CTNNA2: variants seen among roughly 807,000 people sequenced by gnomAD.
CTNNA2 encodes catenin alpha 2, also known as catenin alpha-2.
A neutral mutation model predicts 101.0 loss-of-function variants in CTNNA2; 42 were observed. The ratio of observed to expected loss-of-function variants is 0.42; its 90% CI spans 0.32 to 0.54. CTNNA2 has a LOEUF of 0.54. Among genes scored for constraint, CTNNA2 ranks in the 20% least tolerant of loss-of-function variants. CTNNA2 has a pLI of 0.14. For synonymous variants in CTNNA2, 450 were observed against 456.4 expected, an observed-to-expected ratio of 0.99 and a Z score of 0.18; for missense variants, 871 against 1,223.1, an observed-to-expected ratio of 0.71 and a Z score of 4.29.
At chr2:80,269,321 C>T (rs1573556813) in intron 7 of CTNNA2, among the ~76,000 whole-genome samples, 1 of 152,260 alleles carries the variant, frequency 6.6e-6, no homozygotes, top group East Asian at 1.9e-4. Context: ...CTTTGCTCAG[C>T]AATCATTCTT....
At chr2:79,712,600 A>G (rs1028944468) in intron 2 of CTNNA2, among the ~76,000 whole-genome samples, 3 of 152,154 alleles carry the variant, frequency 2.0e-5, no homozygotes, top group Admixed American at 1.3e-4. Flanking sequence ...GTGTAAATTC[A>G]TTATGCAATT....
At chr2:80,362,262 A>G (rs1674485605) in intron 7 of CTNNA2, among the ~76,000 whole-genome samples, 1 of 152,112 alleles carries the variant, frequency 6.6e-6, no homozygotes, top group Admixed American at 6.6e-5. Context: ...AAGGCTGGCA[A>G]GAGGCTTATT....
chr2:80,453,009 C>T (rs1189017956), intron 9 of CTNNA2, among the ~76,000 whole-genome samples: 2 of 151,956 alleles, frequency 1.3e-5, no homozygotes, highest in Non-Finnish European at 2.9e-5. Flanking sequence ...TGGGGTTGAA[C>T]CTGACAGCCT....
At chr2:80,548,385 A>C (rs958555492) in intron 11 of CTNNA2, among the ~76,000 whole-genome samples, 1 of 152,142 alleles carries the variant, frequency 6.6e-6, no homozygotes, top group African/African-American at 2.4e-5. Context: ...TGCATGCATA[A>C]ACATTTCTGA....
At chr2:80,079,511 A>AT (rs1698978157) in intron 7 of CTNNA2, among the ~76,000 whole-genome samples, 1 of 152,132 alleles carries the variant, frequency 6.6e-6, no homozygotes, top group African/African-American at 2.4e-5. Flanking sequence ...CAGGACACAG[A>AT]TTAGTCTTAT....
chr2:80,293,810 G>A (rs1675481033), intron 7 of CTNNA2, among the ~76,000 whole-genome samples: 1 of 152,154 alleles, frequency 6.6e-6, no homozygotes, highest in Non-Finnish European at 1.5e-5. Context: ...ATATTTTGGT[G>A]TTAGGGGTAT....
intron 7 of CTNNA2, among the ~76,000 whole-genome samples, chr2:80,375,814 C>A (rs976422902): frequency 1.3e-5 from 2 of 151,836 alleles, no homozygotes; most frequent in East Asian, 3.9e-4. Context: ...TCACCCGCCT[C>A]GGCCTCCCAA....
rs1047165099 is a variant in CTNNA2, at chr2:80,420,391, T to C, written c.1290+790T>C. 7.2e-5 allele frequency among the ~76,000 whole-genome samples: 11 copies of C among 152,084 alleles called. No homozygotes were observed. The East Asian group carries it at 7.7e-4, about 11-fold the overall frequency. ...GCCCAGGAGGGATGAGGATGGATCC[T>C]GGAAAATTTAGGGAATGGTTATTAG... On this transcript the variant is annotated intron_variant, in intron 9 of 18. Coordinates refer to ENST00000402739, the MANE Select transcript of CTNNA2 (RefSeq NM_001282597.3).
At chr2:80,093,914 C>T (rs894338278) in intron 7 of CTNNA2, among the ~76,000 whole-genome samples, 5 of 151,852 alleles carry the variant, frequency 3.3e-5, no homozygotes, top group African/African-American at 4.8e-5. Context: ...AGCCCTTTGT[C>T]AGATGAGTAG....
intron 3 of CTNNA2, among the ~76,000 whole-genome samples, chr2:79,857,460 T>G (rs1342454029): frequency 6.6e-6 from 1 of 152,244 alleles, no homozygotes; most frequent in East Asian, 1.9e-4. Context: ...ATTGGTTTAG[T>G]TCTCTTCTAA....
chr2:80,362,381 G>A (rs968329670), intron 7 of CTNNA2, among the ~76,000 whole-genome samples: 1 of 152,050 alleles, frequency 6.6e-6, no homozygotes, highest in Non-Finnish European at 1.5e-5. Flanking sequence ...ATTTTCAACA[G>A]AGAGAATTAT....
intron 7 of CTNNA2, among the ~76,000 whole-genome samples, chr2:80,004,918 G>C (rs1693225602): frequency 6.6e-6 from 1 of 152,102 alleles, no homozygotes; most frequent in Admixed American, 6.6e-5. Context: ...GGCCAGGCTG[G>C]TCTTGAGCTC....
At chr2:80,565,191 T>C (rs1461367337) in intron 12 of CTNNA2, among the ~76,000 whole-genome samples, 1 of 152,158 alleles carries the variant, frequency 6.6e-6, no homozygotes, top group Admixed American at 6.5e-5. Context: ...TGGAAGTTAC[T>C]ACTTTGTTGG....
chr2:80,433,002 G>A (rs1319692831), intron 9 of CTNNA2, among the ~76,000 whole-genome samples: 2 of 151,970 alleles, frequency 1.3e-5, no homozygotes, highest in Non-Finnish European at 2.9e-5. Flanking sequence ...ACGGCAGTGG[G>A]GCAGTAGAGT....
At chr2:80,402,784 G>A (rs1194978672) in intron 8 of CTNNA2, among the ~76,000 whole-genome samples, 1 of 147,518 alleles carries the variant, frequency 6.8e-6, no homozygotes, top group Non-Finnish European at 1.5e-5. Context: ...TATAAATTAT[G>A]TTTAATATAA....
chr2:80,209,378 GT>G (rs1707746757), intron 7 of CTNNA2, among the ~76,000 whole-genome samples: 1 of 151,606 alleles, frequency 6.6e-6, no homozygotes, highest in African/African-American at 2.4e-5. Flanking sequence ...ATTTTTGCAT[GT>G]GGGGTTTCAC....
At chr2:79,399,827 T>G (rs2104479666) in intron 4 of CTNNA2, among the ~76,000 whole-genome samples, 1 of 152,044 alleles carries the variant, frequency 6.6e-6, no homozygotes, top group African/African-American at 2.4e-5. Context: ...AGAAATATAT[T>G]CAAATAACTA....
At position 80,392,574 on chromosome 2, in the gene CTNNA2, CT is replaced by C. The variant is rs200126247; in HGVS notation, c.1057-627del. Among the ~76,000 whole-genome samples, 846 of 149,780 alleles carry C rather than the reference CT, an allele frequency of 5.6e-3. 7 individuals carry two copies. Among genetic ancestry groups the C allele is most frequent in the African/African-American group, 0.019 (774 of 40,896 alleles). On this transcript the variant is annotated intron_variant, in intron 7 of 18. Transcript: ENST00000402739. Reference sequence around the variant, plus strand: ...CAAGTGAACAATTTATTAAAGAACACTTTTTTTTTTCTCTACCTCTGCCTGT... The same window carrying C: ...CAAGTGAACAATTTATTAAAGAACACTTTTTTTTTCTCTACCTCTGCCTGT...
In CTNNA2 at chr2:80,546,737, A is replaced by C. The variant is rs568244464; in HGVS notation, c.1540+674A>C. Among the ~76,000 whole-genome samples, 3 of 152,358 alleles carry C rather than the reference A, an allele frequency of 2.0e-5. No homozygotes were observed. The South Asian group carries it at 6.2e-4, about 32-fold the overall frequency. On this transcript the variant is annotated intron_variant, in intron 11 of 18. Coordinates refer to ENST00000402739, the MANE Select transcript of CTNNA2 (RefSeq NM_001282597.3). ...ACCTTTAACAGGACTCGTGGAGTCC[A>C]TTTCAAGATTTGTCTACCAGCCAGC...
Sources: allele counts gnomAD v4.1 joint callset (sites outside exome capture counted in the v4.1 genomes callset), GRCh38; gene constraint gnomAD v4.1.1; transcripts MANE v1.5; gene names NCBI Gene and HGNC (gene_info 2026-07-23, HGNC 2026-07-21).